The following TSBP1 variants were observed in gnomAD, a reference collection of about 807,000 sequenced individuals.
TSBP1 encodes testis expressed basic protein 1, also known as testis-expressed basic protein 1.
Under a neutral mutation model 68.8 loss-of-function variants are expected in TSBP1, and 56 were observed. The ratio of observed to expected loss-of-function variants is 0.81; its 90% CI spans 0.66 to 1.02. The LOEUF is 1.02. Among genes scored for constraint, TSBP1 ranks in the 50% least tolerant of loss-of-function variants. The pLI is 0.00. For synonymous variants in TSBP1, 171 were observed against 208.7 expected (o/e 0.82, Z 1.56); for missense variants, 502 against 641.2 (o/e 0.78, Z 2.34).
intron 21 of TSBP1, among the ~76,000 whole-genome samples, chr6:32,300,156 T>C (rs552510208): frequency 1.3e-5 from 2 of 152,098 alleles, no homozygotes; most frequent in East Asian, 2.0e-4. Context: ...GCATTTGAAA[T>C]CTTGGGTAGG....
intron 9 of TSBP1, 105 bp downstream of exon 9, chr6:32,349,635 C>T (rs1562163010): frequency 2.9e-6 from 2 of 685,042 alleles, no homozygotes; most frequent in Non-Finnish European, 5.2e-6. Context: ...GAAGCTTAAG[C>T]TTCTGCTGTG....
intron 6 of TSBP1, among the ~76,000 whole-genome samples, chr6:32,364,510 GCTCT>G (rs1773442607): frequency 6.7e-6 from 1 of 149,884 alleles, no homozygotes; most frequent in Admixed American, 6.7e-5. Flanking sequence ...CATCTTGGAA[GCTCT>G]CTATTTCCTT....
rs772886582 is a variant in TSBP1 at position 32,293,278 on chromosome 6, T to G, written c.1395A>C (p.Val465=). ...TTACTTGGGATTCCAGTGTTTCTGG[T>G]ACACTCACCTCAGTGTTCTTTACTT... Residue 465 remains valine, a synonymous_variant, in exon 23 of 23, where the codon GTA becomes GTC. Transcript: ENST00000612031. 6.2e-6 allele frequency: 10 copies of G among 1,612,482 alleles called. 1 individual carries two copies. In the South Asian group the frequency reaches 7.7e-5, roughly 12 times the overall value.
chr6:32,325,917 T>C lies in TSBP1; in HGVS notation c.515-2303A>G, dbSNP rs1768169357. 6.4e-7 allele frequency: 1 copy of C among 1,553,006 alleles called. No homozygotes were observed. The highest frequency in any genetic ancestry group is 1.3e-5 in the African/African-American group (1 of 74,116). On this transcript the variant is annotated intron_variant, in intron 16 of 22. Transcript: ENST00000612031. This position sits in a 1 kb window ranked among gnomAD's most constrained non-coding sequence, Gnocchi z 4.4. ...GTGGCTTTGGTGGCAGCTGTGGTGG[T>C]GGTGGATATGGTGGCAGTGAGGATG...
Position 32,330,245 on chromosome 6 carries a change from T to G in TSBP1, c.514+344A>C, listed in dbSNP as rs145968068. ...TTCTTTTCTCATTTCCTCCTCATTG[T>G]CTCCTCCATTATCTTTGAGTAGGCC... On this transcript the variant is annotated intron_variant, in intron 16 of 22. Transcript: ENST00000612031. Among the ~76,000 whole-genome samples the G allele has an allele frequency of 3.1e-3, 469 of 152,294 alleles. 20 individuals carry two copies. The East Asian group carries it at 0.054, about 18-fold the overall frequency.
chr6:32,359,986 C>G (rs944523861), intron 6 of TSBP1, among the ~76,000 whole-genome samples: 2 of 151,890 alleles, frequency 1.3e-5, no homozygotes, highest in Non-Finnish European at 2.9e-5. Context: ...AAATGATTGC[C>G]ACAATCAAGC....
chr6:32,296,723 A>C (rs943593425), intron 22 of TSBP1, among the ~76,000 whole-genome samples: 1 of 152,264 alleles, frequency 6.6e-6, no homozygotes, highest in South Asian at 2.1e-4. Context: ...TTTTAGTTTT[A>C]CTATCCCTTG....
At chr6:32,296,156 A>C (rs1396525482) in intron 22 of TSBP1, among the ~76,000 whole-genome samples, 1 of 152,076 alleles carries the variant, frequency 6.6e-6, no homozygotes, top group Non-Finnish European at 1.5e-5. Context: ...TTACAGGAAA[A>C]TTTCTTGCTT....
In TSBP1 at chr6:32,342,050, C is replaced by CTTTT. The variant is rs10689236; in HGVS notation, c.350-2416_350-2413dup. ...CTTCCCTTCATTTAGAAAATGTGTT[C>CTTTT]TTTTTTTTTTTTTTTGACAATCAAT... On this transcript the variant is annotated intron_variant, in intron 9 of 22. Transcript: ENST00000612031. Among the ~76,000 whole-genome samples the CTTTT allele has an allele frequency of 3.2e-3, 386 of 120,298 alleles. 2 individuals are homozygous for CTTTT. The highest frequency in any genetic ancestry group is 9.4e-3 in the African/African-American group (340 of 36,124). The allele number at this position is 120,298 out of a possible 152,430, so 78.9% of individuals were successfully genotyped here. A position where few individuals can be genotyped will look rare whatever the true frequency, so the allele number is the denominator to read the frequency against.
chr6:32,324,157 GA>G (rs1232500855), intron 16 of TSBP1, among the ~76,000 whole-genome samples: 19 of 152,052 alleles, frequency 1.2e-4, no homozygotes, highest in Non-Finnish European at 1.9e-4. Context: ...AAACACGGAG[GA>G]AATAACAACT....
Position 32,366,178 on chromosome 6 carries a change from T to C in TSBP1, c.206A>G (p.Tyr69Cys), listed in dbSNP as rs9268368. 0.38 allele frequency: 613,921 copies of C among 1,597,968 alleles called. 123,655 individuals carry two copies. Among genetic ancestry groups the C allele is most frequent in the Middle Eastern group, 0.56 (3,285 of 5,902 alleles). ...CTACATATACTTACCTCGGTTATCA[T>C]ATGAAGTGTCTAGAGAATTGAAGAA... Residue 69 changes from tyrosine (Y) to cysteine (C), a missense_variant, in exon 6 of 23, where the codon TAT (tyrosine) becomes TGT (cysteine). Physicochemically the swap from Tyr to Cys is radical, Grantham distance 194. Coordinates refer to ENST00000612031, the Ensembl canonical transcript of TSBP1.
At chr6:32,347,481 A>G (rs1771182223) in intron 9 of TSBP1, among the ~76,000 whole-genome samples, 1 of 152,202 alleles carries the variant, frequency 6.6e-6, no homozygotes. Flanking sequence ...GTTTCCGAAC[A>G]GTCTTCTCCA....
In TSBP1 at chr6:32,316,995, AG is replaced by A. The variant is rs1171428425; in HGVS notation, c.560-1204del. Among the ~76,000 whole-genome samples, 1 of 152,144 alleles carries A rather than the reference AG, an allele frequency of 6.6e-6. No homozygotes were observed. The highest frequency in any genetic ancestry group is 1.5e-5 in the Non-Finnish European group (1 of 68,024). The stretch of plus-strand genomic sequence containing the variant: ...CTGAGACTGGCCACTAGGAGAGGAG[AG>A]GGTTTTAAGAGGGGTTGGCCTGAGT... On this transcript the variant is annotated intron_variant, in intron 18 of 22. Transcript: ENST00000612031. This position sits in a 1 kb window ranked among gnomAD's most constrained non-coding sequence, Gnocchi z 4.5.
In TSBP1 at chr6:32,321,286, C is replaced by G. The variant is rs1767609456; in HGVS notation, c.559+1831G>C. 6.6e-6 allele frequency among the ~76,000 whole-genome samples: 1 copy of G among 152,038 alleles called. No individual in the cohort carries two copies. The highest frequency in any genetic ancestry group is 1.9e-4 in the East Asian group (1 of 5,182). On this transcript the variant is annotated intron_variant, in intron 18 of 22. Coordinates refer to ENST00000612031, the Ensembl canonical transcript of TSBP1. The surrounding 1 kb of genome is among the most constrained non-coding windows in gnomAD (Gnocchi z 4.3). ...TTACTTTTGCGTGCTTTTTTTCATC[C>G]CCTCTACTAGGATGATATATAGGAT...
intron 22 of TSBP1, 59 bp from the exon 26 acceptor site, chr6:32,294,094 T>A: frequency 6.3e-7 from 1 of 1,585,784 alleles, no homozygotes; most frequent in Non-Finnish European, 8.5e-7. Context: ...TTATTTCTAT[T>A]TTTTTCCCCT....
chr6:32,329,475 A>T (rs1353616289), intron 16 of TSBP1, among the ~76,000 whole-genome samples: 1 of 152,214 alleles, frequency 6.6e-6, no homozygotes, highest in Non-Finnish European at 1.5e-5. Context: ...AGTCAATAAC[A>T]AATGGCTCTT....
At chr6:32,355,015 AT>A (rs1772126465) in intron 8 of TSBP1, 108 bp downstream of exon 8, 1 of 840,824 alleles carries the variant, frequency 1.2e-6, no homozygotes, top group Non-Finnish European at 1.9e-6. Context: ...AGTGTTAATT[AT>A]TTTTATACTT....
chr6:32,294,216 T>G (rs915693263), intron 22 of TSBP1, 181 bp from the exon 26 acceptor site: 7 of 705,520 alleles, frequency 9.9e-6, no homozygotes, highest in Middle Eastern at 3.2e-4. Context: ...ATCGATAAAA[T>G]TCTGGACTAT....
intron 22 of TSBP1, among the ~76,000 whole-genome samples, chr6:32,297,005 A>G (rs1273794894): frequency 1.3e-5 from 2 of 152,170 alleles, no homozygotes; most frequent in Non-Finnish European, 2.9e-5. Flanking sequence ...TTAAATCTTG[A>G]ATTTAATTAA....
Sources: gnomAD v4.1 joint callset for allele counts (sites outside exome capture counted in the v4.1 genomes callset) on GRCh38, gnomAD v4.1.1 for gene constraint, Gnocchi (gnomAD v3.1) non-coding constraint, MANE v1.5 for transcripts, NCBI Gene and HGNC (gene_info 2026-07-23, HGNC 2026-07-21) for gene names.